Variants in RBPJ observed in about 807,000 individuals in gnomAD.
RBPJ encodes the protein recombining binding protein suppressor of hairless.
Under a neutral mutation model 67.8 loss-of-function variants are expected in RBPJ, and 9 were observed. The ratio of observed to expected loss-of-function variants is 0.13; its 90% CI spans 0.08 to 0.23. The LOEUF is 0.23. Among genes scored for constraint, RBPJ ranks in the 10% least tolerant of loss-of-function variants. The pLI is 1.00. For synonymous variants in RBPJ, 198 were observed against 203.3 expected (o/e 0.97, Z 0.22); for missense variants, 305 against 595.6 (o/e 0.51, Z 5.08).
At chr4:26,129,527 T>C in the RBPJ span, among the ~76,000 whole-genome samples, 1 of 152,256 alleles carries the variant, frequency 6.6e-6, no homozygotes, top group Non-Finnish European at 1.5e-5. Flanking sequence ...CCAAATAACC[T>C]TAACTAATAA....
chr4:26,126,685 C>T, the RBPJ span, among the ~76,000 whole-genome samples: 1 of 152,194 alleles, frequency 6.6e-6, no homozygotes, highest in Admixed American at 6.5e-5. Flanking sequence ...ATTTATTTCC[C>T]TCAAGGCGGC....
At position 26,273,672 on chromosome 4, in the gene RBPJ, C is replaced by A. The variant is rs1181782547; in HGVS notation, c.-166-88774C>A. On this transcript the variant is annotated intron_variant, in intron 1 of 4. Transcript: ENST00000512351. Reference sequence around the variant, plus strand: ...TCTGCAGAAGAACCTAGCAGCGGGGCCTGGGAGCTCTTTTCACTCAACTGC... The same window carrying A: ...TCTGCAGAAGAACCTAGCAGCGGGGACTGGGAGCTCTTTTCACTCAACTGC... Among the ~76,000 whole-genome samples the A allele has an allele frequency of 2.6e-5, 4 of 152,200 alleles. No individual in the cohort carries two copies. The East Asian group carries it at 7.7e-4, about 29-fold the overall frequency.
In RBPJ at chr4:26,211,899, G is replaced by A. The variant is rs140524026; in HGVS notation, c.-167+48285G>A. 4.6e-3 allele frequency among the ~76,000 whole-genome samples: 700 copies of A among 152,216 alleles called. 9 individuals carry two copies. Among genetic ancestry groups the A allele is most frequent in the African/African-American group, 0.016 (674 of 41,534 alleles). On this transcript the variant is annotated intron_variant, in intron 1 of 4. Transcript: ENST00000512351. The stretch of plus-strand genomic sequence containing the variant: ...CATCCAATATGACTGGTGTCCTTAC[G>A]AAAAGGAAAAATTTGGACACAGAGC...
At chr4:26,275,674 A>C (rs994533974) in intron 1 of RBPJ, among the ~76,000 whole-genome samples, 14 of 152,116 alleles carry the variant, frequency 9.2e-5, no homozygotes, top group Non-Finnish European at 1.5e-5. Flanking sequence ...TACTGTTGCC[A>C]GGCTGGAGTG....
chr4:26,159,130 C>T (rs1286352126), upstream of RBPJ, among the ~76,000 whole-genome samples: 1 of 152,096 alleles, frequency 6.6e-6, no homozygotes, highest in South Asian at 2.1e-4. Context: ...ATGGGAAGTA[C>T]ATGGAGAAGG....
chr4:26,385,349 T>C (rs1730806214), intron 1 of RBPJ, among the ~76,000 whole-genome samples: 1 of 152,254 alleles, frequency 6.6e-6, no homozygotes, highest in Non-Finnish European at 1.5e-5. Flanking sequence ...TTAATTAATA[T>C]GTTTAATTCC....
At chr4:26,305,777 T>TTTTTTTTC (rs1560253685) in intron 1 of RBPJ, among the ~76,000 whole-genome samples, 3 of 128,750 alleles carry the variant, frequency 2.3e-5, no homozygotes, top group African/African-American at 9.8e-5. Flanking sequence ...TTTTCTTTTT[T>TTTTTTTTC]TTTTTTTTTT....
chr4:26,210,686 C>CTTTCCTTTCTTTCTTT (rs56289492), intron 1 of RBPJ, among the ~76,000 whole-genome samples: 1 of 65,396 alleles, frequency 1.5e-5, no homozygotes, highest in African/African-American at 5.3e-5. Flanking sequence ...TTCTTTCTTT[C>CTTTCCTTTCTTTCTTT]CTTTCTTTCT....
intron 1 of RBPJ, among the ~76,000 whole-genome samples, chr4:26,242,457 AAAAAG>A (rs1198891329): frequency 5.3e-4 from 81 of 151,446 alleles, no homozygotes; most frequent in Non-Finnish European, 1.0e-3. Context: ...AAAAAAAAAA[AAAAAG>A]AAAAGAAAAG....
chr4:26,180,517 C>G (rs4554061), intron 1 of RBPJ, among the ~76,000 whole-genome samples: 99,845 of 152,016 alleles, frequency 0.66, 34,206 homozygotes, highest in African/African-American at 0.87. Flanking sequence ...CCACTTCCTG[C>G]TTCATAGATG....
chr4:26,215,286 A>AAC (rs1718663657), intron 1 of RBPJ, among the ~76,000 whole-genome samples: 1 of 70,088 alleles, frequency 1.4e-5, no homozygotes. Flanking sequence ...AAGAGAGAGA[A>AAC]AGAAAGAGAA....
intron 1 of RBPJ, among the ~76,000 whole-genome samples, chr4:26,214,268 A>AAGAAAGAGG (rs1553849609): frequency 7.0e-6 from 1 of 142,710 alleles, no homozygotes; most frequent in African/African-American, 2.7e-5. Context: ...AGACGAAAGA[A>AAGAAAGAGG]AGAAAGAGAA....
At chr4:26,402,106 T>G (rs1732882274) in intron 2 of RBPJ, among the ~76,000 whole-genome samples, 1 of 152,138 alleles carries the variant, frequency 6.6e-6, no homozygotes, top group Admixed American at 6.5e-5. Context: ...CAGGCTGGTC[T>G]CAAACTCCAG....
the RBPJ span, among the ~76,000 whole-genome samples, chr4:26,121,525 C>T: frequency 6.6e-6 from 1 of 152,064 alleles, no homozygotes; most frequent in South Asian, 2.1e-4. Context: ...AGCCTCAAGT[C>T]TCCATCATCT....
chr4:26,146,751 G>A, the RBPJ span, among the ~76,000 whole-genome samples: 1 of 152,206 alleles, frequency 6.6e-6, no homozygotes, highest in Non-Finnish European at 1.5e-5. Context: ...GCAAACTACT[G>A]TGATATGTTG....
At chr4:26,202,405 A>T (rs1038000561) in intron 1 of RBPJ, among the ~76,000 whole-genome samples, 1 of 152,008 alleles carries the variant, frequency 6.6e-6, no homozygotes, top group Admixed American at 6.6e-5. Context: ...TGTCCAATAG[A>T]CAACTCAAAT....
At chr4:26,220,302 T>C (rs2109189866) in intron 1 of RBPJ, among the ~76,000 whole-genome samples, 1 of 152,350 alleles carries the variant, frequency 6.6e-6, no homozygotes, top group South Asian at 2.1e-4. Flanking sequence ...TTGGATAGTT[T>C]CTGCCTGATT....
At chr4:26,162,871 A>C (rs1716119408), upstream of RBPJ, among the ~76,000 whole-genome samples, 1 of 152,174 alleles carries the variant, frequency 6.6e-6, no homozygotes, top group Admixed American at 6.5e-5. Context: ...CTGGAGGAAG[A>C]GCGGCAGGGA....
In RBPJ at chr4:26,197,998, C is replaced by G. The variant is rs542429028; in HGVS notation, c.-167+34384C>G. 4.7e-4 allele frequency among the ~76,000 whole-genome samples: 71 copies of G among 152,234 alleles called. 1 individual carries two copies. The highest frequency in any genetic ancestry group is 1.6e-3 in the African/African-American group (65 of 41,530). On this transcript the variant is annotated intron_variant, in intron 1 of 4. Transcript: ENST00000512351. Reference sequence around the variant, plus strand: ...CCGGGCGCAGTGGCTCACTTCACACCTGTAATCCCAGCACTTTGGGAGGCC... The same window carrying G: ...CCGGGCGCAGTGGCTCACTTCACACGTGTAATCCCAGCACTTTGGGAGGCC...
Sources: allele counts gnomAD v4.1 joint callset (sites outside exome capture counted in the v4.1 genomes callset), GRCh38; gene constraint gnomAD v4.1.1; transcripts MANE v1.5; gene names NCBI Gene and HGNC (gene_info 2026-07-23, HGNC 2026-07-21).